Variants in LRRFIP1 observed in about 807,000 individuals in gnomAD.
LRRFIP1 encodes leucine-rich repeat flightless-interacting protein 1.
A neutral mutation model predicts 104.4 loss-of-function variants in LRRFIP1; 62 were observed. That is an observed-to-expected ratio of 0.59 (90% CI 0.48 to 0.73). The LOEUF (loss-of-function observed/expected upper bound fraction) is 0.73. LRRFIP1 is among the 30% of genes least tolerant of loss of function. The probability of loss-of-function intolerance (pLI) is 0.00; values close to 1 mark genes in which losing one functional copy is unlikely to be tolerated. For missense variants in LRRFIP1, 796 were observed against 824.5 expected (o/e 0.97, Z 0.42); for synonymous variants, 300 against 299.0 (o/e 1.00, Z -0.03).
At chr2:237,627,935 G>A (rs1274625132) in intron 1 of LRRFIP1, among the ~76,000 whole-genome samples, 195 bp downstream of exon 1, 5 of 150,894 alleles carry the variant, frequency 3.3e-5, no homozygotes, top group Non-Finnish European at 7.4e-5. Context: ...GATCTCCGAG[G>A]CCTGCGGACC....
intron 13 of LRRFIP1, 63 bp downstream of exon 13, chr2:237,749,387 TAAAA>T (rs200556733): frequency 2.3e-6 from 3 of 1,321,276 alleles, no homozygotes; most frequent in African/African-American, 3.0e-5. Context: ...GTCTTTAGAT[TAAAA>T]AAAAAAAAGT....
At chr2:237,635,718 G>C (rs1398666016) in intron 1 of LRRFIP1, among the ~76,000 whole-genome samples, 1 of 151,940 alleles carries the variant, frequency 6.6e-6, no homozygotes, top group African/African-American at 2.4e-5. Context: ...CTAGCTATTT[G>C]GGAATCTGAG....
intron 1 of LRRFIP1, among the ~76,000 whole-genome samples, chr2:237,663,035 C>A (rs1314726502): frequency 6.6e-6 from 1 of 152,192 alleles, no homozygotes. Flanking sequence ...TGCGGGGTAG[C>A]CCTGCCCTGC....
At chr2:237,770,070 C>T in intron 20 of LRRFIP1, 78 bp downstream of exon 20, 6 of 1,137,002 alleles carry the variant, frequency 5.3e-6, no homozygotes, top group South Asian at 2.6e-5. Context: ...TTCTTGCTTA[C>T]TCAGAAAACC....
intron 1 of LRRFIP1, among the ~76,000 whole-genome samples, chr2:237,666,841 T>G (rs2089423296): frequency 7.1e-6 from 1 of 141,694 alleles, no homozygotes; most frequent in African/African-American, 2.6e-5. Flanking sequence ...CTTCCTGCCT[T>G]CTTTTTTCTT....
intron 19 of LRRFIP1, chr2:237,762,668 C>T (rs2059997523): frequency 1.2e-6 from 2 of 1,613,726 alleles, no homozygotes; most frequent in South Asian, 2.2e-5. Context: ...AGAAATCTTG[C>T]ACAATACTGA....
At chr2:237,743,098 G>A (rs1315233431) in intron 11 of LRRFIP1, among the ~76,000 whole-genome samples, 1 of 152,142 alleles carries the variant, frequency 6.6e-6, no homozygotes, top group Non-Finnish European at 1.5e-5. Flanking sequence ...GGATACAGTT[G>A]TTGTAGCGAG....
In LRRFIP1 at chr2:237,711,458, G is replaced by A. The variant is rs954179793; in HGVS notation, c.184-2801G>A. ...GTCTGTGCTCTCACCAGCAGGGACC[G>A]GAGGAGGGGGTGGTGTCCCTTGCAG... On this transcript the variant is annotated intron_variant, in intron 2 of 23. Coordinates refer to ENST00000308482, the MANE Select transcript of LRRFIP1 (RefSeq NM_001137550.2). The surrounding 1 kb of genome is among the most constrained non-coding windows in gnomAD (Gnocchi z 4.4). Among the ~76,000 whole-genome samples, 11 of 152,234 alleles carry A rather than the reference G, an allele frequency of 7.2e-5. No individual in the cohort carries two copies. The highest frequency in any genetic ancestry group is 1.9e-4 in the African/African-American group (8 of 41,464).
intron 10 of LRRFIP1, among the ~76,000 whole-genome samples, chr2:237,736,210 A>G (rs1164660631): frequency 6.6e-6 from 1 of 152,238 alleles, no homozygotes; most frequent in Admixed American, 6.5e-5. Context: ...TTTCTTTAAA[A>G]TGTAATTTAT....
chr2:237,724,189 T>C (rs142649243), intron 7 of LRRFIP1, among the ~76,000 whole-genome samples: 187 of 152,276 alleles, frequency 1.2e-3, no homozygotes, highest in African/African-American at 4.5e-3. Context: ...TTTCTAAAAG[T>C]CTGTCAGTGT....
chr2:237,706,359 TGGCCTCCCTTCTCTTTTCCC>T (rs1207450824), intron 1 of LRRFIP1, among the ~76,000 whole-genome samples: 2 of 152,146 alleles, frequency 1.3e-5, no homozygotes. Flanking sequence ...TCTTCTTGCA[TGGCCTCCCTTCTCTTTTCCC>T]GGCCCCTCCT....
intron 7 of LRRFIP1, among the ~76,000 whole-genome samples, chr2:237,724,514 C>T (rs1054615592): frequency 3.9e-5 from 6 of 152,070 alleles, no homozygotes; most frequent in African/African-American, 1.2e-4. Flanking sequence ...GTGAGTAGCT[C>T]GGGAGTCAGG....
At chr2:237,708,498 G>A (rs750279081) in intron 1 of LRRFIP1, 46 bp from the exon 2 acceptor site, 31 of 1,432,306 alleles carry the variant, frequency 2.2e-5, no homozygotes, top group Non-Finnish European at 2.7e-5. Context: ...GTACTGGGAA[G>A]GTGCCCGCTG....
In LRRFIP1 at chr2:237,691,815, G is replaced by T. The variant is rs1459101834; in HGVS notation, c.97-16729G>T. ...GGAGCCTGAGGGGTCTTTTCCTCCA[G>T]GTCCTCTTTCCGGCGGGGGCCGGAG... On this transcript the variant is annotated intron_variant, in intron 1 of 23. Transcript: ENST00000308482. The surrounding 1 kb of genome is among the most constrained non-coding windows in gnomAD (Gnocchi z 5.4). Among the ~76,000 whole-genome samples the T allele has an allele frequency of 1.3e-5, 2 of 152,174 alleles. No individual in the cohort carries two copies. Among genetic ancestry groups the T allele is most frequent in the Non-Finnish European group, 2.9e-5 (2 of 68,008 alleles).
At chr2:237,697,020 ACTTTC>A (rs891744739) in intron 1 of LRRFIP1, among the ~76,000 whole-genome samples, 1 of 152,080 alleles carries the variant, frequency 6.6e-6, no homozygotes, top group African/African-American at 2.4e-5. Context: ...GAACGAACTT[ACTTTC>A]CTTCTTTTTT....
At chr2:237,719,590 A>G in intron 5 of LRRFIP1, 23 bp downstream of exon 5, 2 of 1,592,170 alleles carry the variant, frequency 1.3e-6, no homozygotes, top group Non-Finnish European at 1.7e-6. Context: ...TTCATTCATT[A>G]CTTGGGCAAT....
chr2:237,680,831 A>C (rs2091726170), intron 1 of LRRFIP1, among the ~76,000 whole-genome samples: 1 of 152,018 alleles, frequency 6.6e-6, no homozygotes, highest in Non-Finnish European at 1.5e-5. Flanking sequence ...AAATACAAAA[A>C]TTAGCCAGGC....
chr2:237,692,157 G>A lies in LRRFIP1; in HGVS notation c.97-16387G>A, dbSNP rs922849959. 1.3e-5 allele frequency: 13 copies of A among 1,005,178 alleles called. No homozygotes were observed. The African/African-American group carries it at 1.6e-4, about 12-fold the overall frequency. The allele number at this position is 1,005,178 out of a possible 1,614,324, so 62.3% of individuals were successfully genotyped here. On this transcript the variant is annotated intron_variant, in intron 1 of 23. Coordinates refer to ENST00000308482, the MANE Select transcript of LRRFIP1 (RefSeq NM_001137550.2). Reference sequence around the variant, plus strand: ...CCGAGGCGGAACTGCGTGGGGGGCGGGGCGGGCCGTGGGACGGGCGGAGGC... The same window carrying A: ...CCGAGGCGGAACTGCGTGGGGGGCGAGGCGGGCCGTGGGACGGGCGGAGGC...
At chr2:237,676,193 C>A (rs1341817308) in intron 1 of LRRFIP1, among the ~76,000 whole-genome samples, 1 of 152,346 alleles carries the variant, frequency 6.6e-6, no homozygotes, top group East Asian at 1.9e-4. Flanking sequence ...TCCCATGCAA[C>A]TTTCTGTCTC....
Sources: gnomAD v4.1 joint callset for allele counts (sites outside exome capture counted in the v4.1 genomes callset) on GRCh38, gnomAD v4.1.1 for gene constraint, Gnocchi (gnomAD v3.1) non-coding constraint, MANE v1.5 for transcripts, NCBI Gene and HGNC (gene_info 2026-07-23, HGNC 2026-07-21) for gene names.